DPP10: variants seen among roughly 807,000 people sequenced by gnomAD.
DPP10 encodes the protein inactive dipeptidyl peptidase 10.
Under a neutral mutation model 120.9 loss-of-function variants are expected in DPP10, and 33 were observed. The ratio of observed to expected loss-of-function variants is 0.27; its 90% confidence interval spans 0.21 to 0.37. DPP10 has a LOEUF of 0.37. Among genes scored for constraint, DPP10 ranks in the 10% least tolerant of loss-of-function variants. The probability of loss-of-function intolerance (pLI) is 1.00; values close to 1 mark genes in which losing one functional copy is unlikely to be tolerated. For synonymous variants in DPP10, 337 were observed against 326.1 expected (o/e 1.03, Z -0.36); for missense variants, 816 against 942.8 (o/e 0.87, Z 1.76).
intron 3 of DPP10, among the ~76,000 whole-genome samples, chr2:115,385,925 T>C (rs1167752660): frequency 1.3e-5 from 2 of 152,138 alleles, no homozygotes; most frequent in Non-Finnish European, 2.9e-5. Flanking sequence ...AAACAAAATT[T>C]CCGAAAGACA....
At chr2:115,502,053 C>CTA (rs2076708946) in intron 4 of DPP10, among the ~76,000 whole-genome samples, 1 of 151,792 alleles carries the variant, frequency 6.6e-6, no homozygotes, top group Admixed American at 6.6e-5. Context: ...ATGGCCTGTT[C>CTA]TATAGTAAGA....
chr2:115,246,270 C>T (rs147666669), intron 1 of DPP10, among the ~76,000 whole-genome samples: 3 of 152,194 alleles, frequency 2.0e-5, no homozygotes, highest in African/African-American at 7.2e-5. Flanking sequence ...TACATACTGG[C>T]TAGACGACAA....
At chr2:115,657,919 G>A (rs2088538231) in intron 5 of DPP10, among the ~76,000 whole-genome samples, 1 of 151,736 alleles carries the variant, frequency 6.6e-6, no homozygotes, top group South Asian at 2.1e-4. Flanking sequence ...CAGCTGTGTG[G>A]AAGAACCTTC....
chr2:115,644,954 A>G (rs1444819535), intron 5 of DPP10, among the ~76,000 whole-genome samples: 2 of 152,152 alleles, frequency 1.3e-5, no homozygotes, highest in African/African-American at 4.8e-5. Flanking sequence ...ATTGGATTCT[A>G]TGTTTATTTG....
intron 21 of DPP10, among the ~76,000 whole-genome samples, chr2:115,820,229 A>T (rs1041914479): frequency 9.9e-5 from 15 of 152,132 alleles, no homozygotes; most frequent in African/African-American, 3.6e-4. Context: ...GTGGCCAAAG[A>T]ATTGATCAGG....
At chr2:115,345,694 A>G (rs529922329) in intron 3 of DPP10, among the ~76,000 whole-genome samples, 11 of 152,270 alleles carry the variant, frequency 7.2e-5, no homozygotes, top group African/African-American at 2.4e-4. Flanking sequence ...ACTCCTGTGT[A>G]TAACTGACTC....
chr2:114,841,965 G>A (rs1010504423), intron 1 of DPP10, among the ~76,000 whole-genome samples: 1 of 152,020 alleles, frequency 6.6e-6, no homozygotes, highest in East Asian at 1.9e-4. Context: ...CCTTAGTCAG[G>A]CTTTGCACAT....
intron 3 of DPP10, among the ~76,000 whole-genome samples, chr2:115,373,689 A>G (rs1024501236): frequency 2.0e-5 from 3 of 151,992 alleles, no homozygotes; most frequent in Non-Finnish European, 2.9e-5. Flanking sequence ...TCCTTTTGCA[A>G]TTTACTAGTT....
rs140126717 is a variant in DPP10, at chr2:115,137,641, G to C, written c.61-171598G>C. Among the ~76,000 whole-genome samples, 116 of 152,290 alleles carry C rather than the reference G, an allele frequency of 7.6e-4. 1 individual carries two copies. The highest frequency in any genetic ancestry group is 2.7e-3 in the African/African-American group (114 of 41,578). ...TTAAGAAGAGATTAATTATGGTTTG[G>C]AGAGAGCTGTCCATTCATAACTGGC... On this transcript the variant is annotated intron_variant, in intron 1 of 25. Coordinates refer to ENST00000410059, the MANE Select transcript of DPP10 (RefSeq NM_020868.6).
At chr2:114,983,075 A>G (rs1447409725) in intron 1 of DPP10, among the ~76,000 whole-genome samples, 1 of 152,174 alleles carries the variant, frequency 6.6e-6, no homozygotes, top group African/African-American at 2.4e-5. Flanking sequence ...CAGAGCTAAG[A>G]CGCATTATAA....
Position 114,725,553 on chromosome 2 carries a change from A to C in DPP10, c.60+282715A>C, listed in dbSNP as rs1390557417. Among the ~76,000 whole-genome samples, 3 of 152,198 alleles carry C rather than the reference A, an allele frequency of 2.0e-5. No homozygotes were observed. In the South Asian group the frequency reaches 6.2e-4, roughly 31 times the overall value. On this transcript the variant is annotated intron_variant, in intron 1 of 25. Coordinates refer to ENST00000410059, the MANE Select transcript of DPP10 (RefSeq NM_020868.6). The stretch of plus-strand genomic sequence containing the variant: ...CACATCTTCTTTGGATGATGCTCAG[A>C]GCTTCTCTCCAGTGCATCTGAAGCT...
intron 1 of DPP10, among the ~76,000 whole-genome samples, chr2:114,881,401 C>A (rs1574406904): frequency 6.6e-6 from 1 of 152,166 alleles, no homozygotes; most frequent in East Asian, 1.9e-4. Context: ...CATTTGAACA[C>A]CTTATCTACC....
intron 1 of DPP10, among the ~76,000 whole-genome samples, chr2:114,561,386 CACCACATACACAT>C (rs1688749260): frequency 6.6e-6 from 1 of 152,180 alleles, no homozygotes; most frequent in Non-Finnish European, 1.5e-5. Flanking sequence ...CACATGCACA[CACCACATACACAT>C]ACCACATACA....
At chr2:115,309,420 C>T in intron 2 of DPP10, 67 bp downstream of exon 2, 2 of 1,473,896 alleles carry the variant, frequency 1.4e-6, no homozygotes, top group Non-Finnish European at 1.9e-6. Context: ...ATTCAAATGC[C>T]TTAAGAGGGT....
chr2:114,865,447 G>T (rs1690147974), intron 1 of DPP10, among the ~76,000 whole-genome samples: 1 of 152,158 alleles, frequency 6.6e-6, no homozygotes, highest in African/African-American at 2.4e-5. Flanking sequence ...TACAAAGCCT[G>T]ACTGAAAACG....
chr2:115,021,861 C>T (rs116017758), intron 1 of DPP10, among the ~76,000 whole-genome samples: 2,592 of 152,138 alleles, frequency 0.017, 70 homozygotes, highest in African/African-American at 0.06. Context: ...TTAACATCTG[C>T]AAGTCAACAA....
intron 7 of DPP10, among the ~76,000 whole-genome samples, chr2:115,693,399 T>C (rs992694523): frequency 1.3e-5 from 2 of 152,078 alleles, no homozygotes; most frequent in African/African-American, 4.8e-5. Flanking sequence ...AGCTGGTCCA[T>C]TGGGCCAGAA....
intron 4 of DPP10, among the ~76,000 whole-genome samples, chr2:115,520,722 A>G (rs1356435905): frequency 1.3e-5 from 2 of 152,144 alleles, no homozygotes; most frequent in Admixed American, 1.3e-4. Flanking sequence ...CTCAGTCTCA[A>G]GTCATGCAAA....
chr2:114,723,821 C>A (rs1701865781), intron 1 of DPP10, among the ~76,000 whole-genome samples: 1 of 152,010 alleles, frequency 6.6e-6, no homozygotes, highest in Non-Finnish European at 1.5e-5. Flanking sequence ...ATATTTATGA[C>A]TTAATATGTC....
Sources: gnomAD v4.1 joint callset for allele counts (sites outside exome capture counted in the v4.1 genomes callset) on GRCh38, gnomAD v4.1.1 for gene constraint, MANE v1.5 for transcripts, NCBI Gene and HGNC (gene_info 2026-07-23, HGNC 2026-07-21) for gene names.